The following LINGO2 variants were observed in gnomAD, a reference collection of about 807,000 sequenced individuals.
The protein encoded by LINGO2 is leucine-rich repeat and immunoglobulin-like domain-containing nogo receptor-interacting protein 2.
In LINGO2, 14 loss-of-function variants were observed where a neutral mutation model predicts 30.6. That is an observed-to-expected ratio of 0.46 (90% confidence interval 0.30 to 0.72). LINGO2 has a LOEUF of 0.72. LINGO2 is among the 30% of genes least tolerant of loss of function. The pLI is 0.07. For synonymous variants in LINGO2, 317 were observed against 288.5 expected (o/e 1.10, Z -1.00); for missense variants, 729 against 751.7 (o/e 0.97, Z 0.35).
chr9:28,540,258 GTCTCTC>G (rs375822027), intron 1 of LINGO2, among the ~76,000 whole-genome samples: 2 of 136,958 alleles, frequency 1.5e-5, no homozygotes, highest in African/African-American at 2.7e-5. Context: ...CTCTCTTTCT[GTCTCTC>G]TCTCTCTCTC....
intron 4 of LINGO2, among the ~76,000 whole-genome samples, chr9:28,055,979 T>TA (rs1376680738): frequency 2.6e-5 from 4 of 152,158 alleles, no homozygotes; most frequent in Non-Finnish European, 5.9e-5. Context: ...TTGTTACTAC[T>TA]TGAGACCTTC....
intron 4 of LINGO2, among the ~76,000 whole-genome samples, chr9:28,192,505 T>C (rs780888472): frequency 2.0e-5 from 3 of 152,130 alleles, no homozygotes; most frequent in Non-Finnish European, 4.4e-5. Context: ...TTCCTATTCC[T>C]TGGTGGCCTC....
chr9:27,941,847 C>G, the LINGO2 span: 2 of 152,054 alleles, frequency 1.3e-5, no homozygotes, highest in African/African-American at 4.8e-5. Flanking sequence ...AGTTGTTTCT[C>G]TTTTTATTTT....
intron 1 of LINGO2, among the ~76,000 whole-genome samples, chr9:28,590,909 A>C (rs1335698218): frequency 1.3e-5 from 2 of 152,210 alleles, no homozygotes; most frequent in Non-Finnish European, 2.9e-5. Flanking sequence ...GAACCAACCC[A>C]AATGTCCAAC....
chr9:28,834,136 C>T, the LINGO2 span, among the ~76,000 whole-genome samples: 9 of 151,658 alleles, frequency 5.9e-5, no homozygotes, highest in Admixed American at 3.3e-4. Flanking sequence ...TCAGCACTAA[C>T]AAGTTTGATC....
chr9:28,098,522 C>T (rs1228030571), intron 4 of LINGO2, among the ~76,000 whole-genome samples: 1 of 152,136 alleles, frequency 6.6e-6, no homozygotes, highest in Non-Finnish European at 1.5e-5. Flanking sequence ...CTTCTTAGCA[C>T]CTGGCCTTTC....
intron 1 of LINGO2, among the ~76,000 whole-genome samples, chr9:28,481,521 G>T (rs925191255): frequency 1.3e-5 from 2 of 151,912 alleles, no homozygotes; most frequent in Non-Finnish European, 2.9e-5. Context: ...TCAAGTATTT[G>T]TCACCTTCCA....
the LINGO2 span, among the ~76,000 whole-genome samples, chr9:29,206,461 A>G: frequency 1.3e-5 from 2 of 152,156 alleles, no homozygotes; most frequent in African/African-American, 4.8e-5. Context: ...AGCAAAGACT[A>G]TCTTACTATT....
intron 4 of LINGO2, among the ~76,000 whole-genome samples, chr9:28,074,328 A>G (rs975010139): frequency 1.3e-5 from 2 of 152,214 alleles, no homozygotes; most frequent in Non-Finnish European, 2.9e-5. Context: ...GTGTAAATCC[A>G]TGCAATTTGT....
At chr9:28,553,464 A>C (rs1822429844) in intron 1 of LINGO2, among the ~76,000 whole-genome samples, 1 of 152,076 alleles carries the variant, frequency 6.6e-6, no homozygotes, top group South Asian at 2.1e-4. Flanking sequence ...AATAAAAAGA[A>C]ACGAGCAAAG....
At chr9:28,757,493 C>G in the LINGO2 span, among the ~76,000 whole-genome samples, 282 of 151,938 alleles carry the variant, frequency 1.9e-3, 3 homozygotes, top group South Asian at 4.2e-4. Flanking sequence ...ACTTGACCCC[C>G]CTAAGACAGC....
chr9:28,100,662 C>T (rs1826388061), intron 4 of LINGO2, among the ~76,000 whole-genome samples: 1 of 152,112 alleles, frequency 6.6e-6, no homozygotes, highest in Non-Finnish European at 1.5e-5. Flanking sequence ...AACACAGAAC[C>T]AAAGCATAAA....
At chr9:28,777,618 G>T in the LINGO2 span, among the ~76,000 whole-genome samples, 1 of 152,280 alleles carries the variant, frequency 6.6e-6, no homozygotes, top group East Asian at 1.9e-4. Flanking sequence ...ACAGGCAAAG[G>T]GTACTCTACT....
intron 4 of LINGO2, among the ~76,000 whole-genome samples, chr9:28,029,331 T>A (rs1191109332): frequency 1.3e-5 from 2 of 152,198 alleles, no homozygotes; most frequent in Non-Finnish European, 2.9e-5. Context: ...AGCATCCCAC[T>A]GTTCTGCTGC....
At chr9:29,122,101 AC>A in the LINGO2 span, among the ~76,000 whole-genome samples, 2 of 151,846 alleles carry the variant, frequency 1.3e-5, no homozygotes, top group East Asian at 3.8e-4. Context: ...CTTAAGCAAA[AC>A]TAACAAATTA....
chr9:28,578,993 T>C (rs76206151), intron 1 of LINGO2, among the ~76,000 whole-genome samples: 2,115 of 151,928 alleles, frequency 0.014, 31 homozygotes, highest in African/African-American at 0.035. Context: ...TAAGATAGAA[T>C]AAAGATCGTA....
chr9:29,093,438 A>G, the LINGO2 span, among the ~76,000 whole-genome samples: 1 of 134,130 alleles, frequency 7.5e-6, no homozygotes. Context: ...ACATTTGTAA[A>G]TCATTTTGAA....
intron 4 of LINGO2, among the ~76,000 whole-genome samples, chr9:28,189,975 G>A (rs1819759570): frequency 6.6e-6 from 1 of 152,114 alleles, no homozygotes; most frequent in African/African-American, 2.4e-5. Flanking sequence ...TGAAACATAA[G>A]AACAGGAATA....
the LINGO2 span, among the ~76,000 whole-genome samples, chr9:28,992,910 C>T: frequency 6.6e-6 from 1 of 151,648 alleles, no homozygotes; most frequent in Admixed American, 6.6e-5. Context: ...CAAGAGTAAG[C>T]AGGAAAGATC....
Sources: gnomAD v4.1 joint callset for allele counts (sites outside exome capture counted in the v4.1 genomes callset) on GRCh38, gnomAD v4.1.1 for gene constraint, MANE v1.5 for transcripts, NCBI Gene and HGNC (gene_info 2026-07-23, HGNC 2026-07-21) for gene names.